Variants in UQCC6 observed in about 807,000 individuals in gnomAD.
UQCC6 encodes protein BRAWNIN.
At chr12:103,954,262 T>C in the UQCC6 span, among the ~76,000 whole-genome samples, 1 of 152,248 alleles carries the variant, frequency 6.6e-6, no homozygotes, top group African/African-American at 2.4e-5. Context: ...AAACTGTGTG[T>C]GTACACATGC....
chr12:103,951,426 T>C, the UQCC6 span: 2 of 609,302 alleles, frequency 3.3e-6, no homozygotes, highest in Non-Finnish European at 5.7e-6. Context: ...CTCTTGCAGT[T>C]AGCATTAGAC....
chr12:103,957,510 A>G, the UQCC6 span, among the ~76,000 whole-genome samples: 1 of 152,032 alleles, frequency 6.6e-6, no homozygotes, highest in East Asian at 1.9e-4. Context: ...GGAGTCACAC[A>G]TTGAGCATTT....
the UQCC6 span, chr12:103,953,693 A>G: frequency 7.6e-4 from 495 of 654,762 alleles, no homozygotes; most frequent in African/African-American, 8.0e-3. Context: ...CCCATTGCCA[A>G]TGTCACCACC....
At chr12:103,954,947 C>G in the UQCC6 span, 1 of 701,620 alleles carries the variant, frequency 1.4e-6, no homozygotes, top group Admixed American at 2.0e-5. Flanking sequence ...ATCAACTTCA[C>G]TCTTCTCAAC....
At chr12:103,962,293 G>C in the UQCC6 span, among the ~76,000 whole-genome samples, 2 of 151,948 alleles carry the variant, frequency 1.3e-5, no homozygotes, top group Non-Finnish European at 2.9e-5. Flanking sequence ...TTTAAGAGAA[G>C]TTTTTAATTT....
chr12:103,951,712 G>T, the UQCC6 span: 1 of 763,302 alleles, frequency 1.3e-6, no homozygotes, highest in Non-Finnish European at 2.1e-6. Flanking sequence ...AGACTTTAAA[G>T]AGTAAAAAAT....
At chr12:103,961,451 C>G in the UQCC6 span, among the ~76,000 whole-genome samples, 1 of 152,206 alleles carries the variant, frequency 6.6e-6, no homozygotes, top group Non-Finnish European at 1.5e-5. Flanking sequence ...TTCGCACTCA[C>G]TGACTCACCC....
the UQCC6 span, among the ~76,000 whole-genome samples, chr12:103,957,800 T>C: frequency 6.6e-6 from 1 of 151,412 alleles, no homozygotes; most frequent in Non-Finnish European, 1.5e-5. Flanking sequence ...GCCAGCACTT[T>C]GGGAGGCCAA....
At chr12:103,964,184 A>C in the UQCC6 span, among the ~76,000 whole-genome samples, 1 of 109,682 alleles carries the variant, frequency 9.1e-6, no homozygotes, top group South Asian at 3.2e-4. Context: ...ACGGAGTCTC[A>C]CTCTGTAGCC....
At chr12:103,965,650 C>T in the UQCC6 span, 148 of 231,216 alleles carry the variant, frequency 6.4e-4, no homozygotes, top group African/African-American at 3.0e-3. Context: ...CCACCAGCCC[C>T]CGAAAATACT....
At chr12:103,952,325 TG>T in the UQCC6 span, among the ~76,000 whole-genome samples, 1 of 152,260 alleles carries the variant, frequency 6.6e-6, no homozygotes, top group Non-Finnish European at 1.5e-5. Context: ...GGTAGAATAA[TG>T]TTTTCAAGGT....
At chr12:103,960,460 T>C in the UQCC6 span, among the ~76,000 whole-genome samples, 1 of 152,230 alleles carries the variant, frequency 6.6e-6, no homozygotes, top group Non-Finnish European at 1.5e-5. Context: ...CTCCAACATT[T>C]GCTCTGGTCA....
chr12:103,961,674 A>G, the UQCC6 span, among the ~76,000 whole-genome samples: 2,698 of 152,066 alleles, frequency 0.018, 82 homozygotes, highest in African/African-American at 0.062. Flanking sequence ...TTCCTGCCTC[A>G]GCCTCCCGAG....
the UQCC6 span, chr12:103,956,807 G>A: frequency 6.4e-6 from 7 of 1,096,806 alleles, no homozygotes; most frequent in Admixed American, 4.1e-5. Context: ...CACCGCGCCA[G>A]GGCTGAGGCG....
At chr12:103,964,515 A>G in the UQCC6 span, among the ~76,000 whole-genome samples, 3 of 152,190 alleles carry the variant, frequency 2.0e-5, no homozygotes, top group Admixed American at 1.3e-4. Flanking sequence ...ACAGCAACCC[A>G]CAGTGAGAGA....
chr12:103,961,500 G>C, the UQCC6 span, among the ~76,000 whole-genome samples: 1 of 151,840 alleles, frequency 6.6e-6, no homozygotes, highest in Non-Finnish European at 1.5e-5. Flanking sequence ...TTCATGGTAA[G>C]TGCCTGCTAC....
At chr12:103,958,364 G>A in the UQCC6 span, among the ~76,000 whole-genome samples, 3 of 152,094 alleles carry the variant, frequency 2.0e-5, no homozygotes, top group Admixed American at 2.0e-4. Context: ...ACAATATGAT[G>A]TTTGACATAT....
chr12:103,951,102 G>A, the UQCC6 span: 1 of 152,794 alleles, frequency 6.5e-6, no homozygotes, highest in Non-Finnish European at 1.5e-5. Flanking sequence ...CCACTTTAGT[G>A]TTCATTTACT....
chr12:103,954,888 T>G, the UQCC6 span: 1 of 695,346 alleles, frequency 1.4e-6, no homozygotes, highest in Non-Finnish European at 2.6e-6. Flanking sequence ...ACAGAAAGCT[T>G]GGGCTTCAGA....
Sources: gnomAD v4.1 joint callset for allele counts (sites outside exome capture counted in the v4.1 genomes callset) on GRCh38, gnomAD v4.1.1 for gene constraint, MANE v1.5 for transcripts, NCBI Gene and HGNC (gene_info 2026-07-23, HGNC 2026-07-21) for gene names.